Variants in PPARA observed in about 807,000 individuals in gnomAD.
PPARA encodes the protein peroxisome proliferator-activated receptor alpha.
In PPARA, 22 loss-of-function variants were observed where a neutral mutation model predicts 42.2. The ratio of observed to expected loss-of-function variants is 0.52; its 90% CI spans 0.37 to 0.74. The LOEUF (loss-of-function observed/expected upper bound fraction) is 0.74, where lower values mean the gene tolerates loss of function less well. Among genes scored for constraint, PPARA ranks in the 30% least tolerant of loss-of-function variants. PPARA has a pLI of 0.00. For missense variants in PPARA, 465 were observed against 608.2 expected, an observed-to-expected ratio of 0.76 and a Z score of 2.48; for synonymous variants, 242 against 239.3, an observed-to-expected ratio of 1.01 and a Z score of -0.10.
chr22:46,174,319 T>C (rs1443265942), intron 2 of PPARA, among the ~76,000 whole-genome samples: 1 of 104,156 alleles, frequency 9.6e-6, no homozygotes, highest in Non-Finnish European at 2.0e-5. Flanking sequence ...TACCAGTGAA[T>C]ATGGGTAAAG....
In PPARA at chr22:46,223,814, G is replaced by C. The variant is rs1043767304; in HGVS notation, c.711+3800G>C. ...AAATACAAAAAATTAGCCGGGCATG[G>C]CAGTGTGCGCCTGTAGTCCCATCTA... On this transcript the variant is annotated intron_variant, in intron 7 of 8. Coordinates refer to ENST00000407236, the MANE Select transcript of PPARA (RefSeq NM_005036.6). Among the ~76,000 whole-genome samples the C allele has an allele frequency of 9.9e-5, 15 of 151,418 alleles. 2 individuals are homozygous for C. Among genetic ancestry groups the C allele is most frequent in the Admixed American group, 6.6e-4 (10 of 15,166 alleles).
At chr22:46,168,434 A>G (rs575916243) in intron 2 of PPARA, among the ~76,000 whole-genome samples, 19 of 151,462 alleles carry the variant, frequency 1.3e-4, no homozygotes, top group African/African-American at 3.9e-4. Flanking sequence ...CCTCAAAATT[A>G]GAAACTTTTA....
intron 7 of PPARA, among the ~76,000 whole-genome samples, chr22:46,226,827 C>T (rs1195956236): frequency 6.6e-6 from 1 of 151,920 alleles, no homozygotes; most frequent in Non-Finnish European, 1.5e-5. Context: ...CGCCACTGTA[C>T]TCCAGCCTGG....
Position 46,219,976 on chromosome 22 carries a change from G to C in PPARA, c.673G>C (p.Ala225Pro). 1 of 1,614,188 alleles carries C rather than the reference G, an allele frequency of 6.2e-7. No homozygotes were observed. Among genetic ancestry groups the C allele is most frequent in the Non-Finnish European group, 8.5e-7 (1 of 1,180,044 alleles). The change falls in exon 7 of 9, where the codon GCC becomes CCC. Residue 225 changes from alanine to proline, a missense_variant. This residue lies in a region of PPARA where 313 missense variants were observed against 469.1 expected (regional missense o/e 0.67). Coordinates refer to ENST00000407236, the MANE Select transcript of PPARA (RefSeq NM_005036.6). The surrounding 1 kb of genome is among the most constrained non-coding windows in gnomAD (Gnocchi z 4.8). ...LKNFNMNKVK[A>P]RVILSGKASN... is the part of the protein sequence containing the mutation. ...GAACTTCAACATGAACAAGGTCAAA[G>C]CCCGGGTCATCCTCTCAGGAAAGGC...
In PPARA at chr22:46,238,430, G is replaced by A. The variant is rs1936277898; in HGVS notation, c.*3050G>A. On this transcript the variant is annotated 3_prime_UTR_variant, in exon 9 of 9. Coordinates refer to ENST00000407236, the MANE Select transcript of PPARA (RefSeq NM_005036.6). The surrounding 1 kb of genome is among the most constrained non-coding windows in gnomAD (Gnocchi z 8.3). ...AGACATCAGCCAAAAGAACAAAAGA[G>A]ATGTCAGGACAGATTCCAGGAGTGT... 1 of 152,252 alleles carries A rather than the reference G, an allele frequency of 6.6e-6. No homozygotes were observed. Among genetic ancestry groups the A allele is most frequent in the South Asian group, 2.1e-4 (1 of 4,836 alleles). 9.4% of individuals were successfully genotyped at this position (152,252 alleles called of 1,614,324 possible). A position where few individuals can be genotyped will look rare whatever the true frequency, so the allele number is the denominator to read the frequency against.
At position 46,162,204 on chromosome 22, in the gene PPARA, T is replaced by C. The variant is rs573363055; in HGVS notation, c.-127+10234T>C. ...GGGTGCATGCTAGGGTTTCTCTGGA[T>C]TGCTGCACCTGGCAGGTAGTGTGAG... On this transcript the variant is annotated intron_variant, in intron 2 of 8. Transcript: ENST00000407236. This position sits in a 1 kb window ranked among gnomAD's most constrained non-coding sequence, Gnocchi z 6.0. 2.0e-5 allele frequency among the ~76,000 whole-genome samples: 3 copies of C among 152,304 alleles called. No individual in the cohort carries two copies. Among genetic ancestry groups the C allele is most frequent in the Admixed American group, 2.0e-4 (3 of 15,302 alleles).
chr22:46,181,655 GAGGGT>G (rs1929992429), intron 3 of PPARA, among the ~76,000 whole-genome samples: 1 of 152,148 alleles, frequency 6.6e-6, no homozygotes, highest in Admixed American at 6.5e-5. Context: ...GTGGCCAGCC[GAGGGT>G]ACAATAAATA....
intron 3 of PPARA, among the ~76,000 whole-genome samples, chr22:46,181,925 C>T (rs1930027736): frequency 6.6e-6 from 1 of 152,240 alleles, no homozygotes; most frequent in Non-Finnish European, 1.5e-5. Flanking sequence ...ACCTGTTCTA[C>T]TTCACTGGGA....
In PPARA at chr22:46,222,170, C is replaced by G. The variant is rs1200097555; in HGVS notation, c.711+2156C>G. 6.6e-6 allele frequency among the ~76,000 whole-genome samples: 1 copy of G among 152,068 alleles called. No individual in the cohort carries two copies. The highest frequency in any genetic ancestry group is 1.5e-5 in the Non-Finnish European group (1 of 68,018). ...ACCTTTTCAGAGGCAGCCAAATTGCCCCTCATGGTTCGTCCCCCACATCCC... is the reference window on the plus strand; with the variant it reads ...ACCTTTTCAGAGGCAGCCAAATTGCGCCTCATGGTTCGTCCCCCACATCCC... On this transcript the variant is annotated intron_variant, in intron 7 of 8. Transcript: ENST00000407236. This position sits in a 1 kb window ranked among gnomAD's most constrained non-coding sequence, Gnocchi z 5.9.
Position 46,161,292 on chromosome 22 carries a change from G to A in PPARA, c.-127+9322G>A, listed in dbSNP as rs1298208109. ...GATGTGTGCCCAATTATGGTATCAG[G>A]TCTGTTGTAGACTCTTCAAGGAGGA... is the stretch of plus-strand genomic sequence containing the variant. On this transcript the variant is annotated intron_variant, in intron 2 of 8. Coordinates refer to ENST00000407236, the MANE Select transcript of PPARA (RefSeq NM_005036.6). The surrounding 1 kb of genome is among the most constrained non-coding windows in gnomAD (Gnocchi z 4.8). Among the ~76,000 whole-genome samples the A allele has an allele frequency of 1.3e-5, 2 of 152,202 alleles. No individual in the cohort carries two copies. The highest frequency in any genetic ancestry group is 2.4e-5 in the African/African-American group (1 of 41,450).
Position 46,212,776 on chromosome 22 carries a change from A to G in PPARA, c.209-2397A>G, listed in dbSNP as rs924766436. ...TTTGGGAGGCCAAGGCGGGCAGATC[A>G]CTTGAGGTCAGGAGTTTGAGACCAG... On this transcript the variant is annotated intron_variant, in intron 4 of 8. Transcript: ENST00000407236. The surrounding 1 kb of genome is among the most constrained non-coding windows in gnomAD (Gnocchi z 4.2). Among the ~76,000 whole-genome samples, 12 of 152,182 alleles carry G rather than the reference A, an allele frequency of 7.9e-5. No individual in the cohort carries two copies. The highest frequency in any genetic ancestry group is 1.5e-4 in the Non-Finnish European group (10 of 68,030).
chr22:46,224,462 T>G lies in PPARA; in HGVS notation c.711+4448T>G, dbSNP rs182691962. 1.3e-5 allele frequency among the ~76,000 whole-genome samples: 2 copies of G among 152,172 alleles called. No individual in the cohort carries two copies. The highest frequency in any genetic ancestry group is 3.4e-3 in the Middle Eastern group (1 of 294). ...ACCCCATCTGTGGGCAAGAAATCTG[T>G]TAGGGAGACCAAGCAGCGGCCTGGA... On this transcript the variant is annotated intron_variant, in intron 7 of 8. Transcript: ENST00000407236. This position sits in a 1 kb window ranked among gnomAD's most constrained non-coding sequence, Gnocchi z 5.7.
chr22:46,166,187 T>C (rs555726706), intron 2 of PPARA, among the ~76,000 whole-genome samples: 9 of 152,234 alleles, frequency 5.9e-5, no homozygotes, highest in African/African-American at 2.2e-4. Flanking sequence ...CACTGGCCAA[T>C]TGCGTCACTT....
chr22:46,227,019 C>T lies in PPARA; in HGVS notation c.712-4773C>T, dbSNP rs566446831. On this transcript the variant is annotated intron_variant, in intron 7 of 8. Coordinates refer to ENST00000407236, the MANE Select transcript of PPARA (RefSeq NM_005036.6). This position sits in a 1 kb window ranked among gnomAD's most constrained non-coding sequence, Gnocchi z 4.3. ...GGCATAAGGGTGACCTCCAGGGTGC[C>T]GTGTTATAACAGGACTGCTCCTTTC... 1.6e-4 allele frequency among the ~76,000 whole-genome samples: 24 copies of T among 152,002 alleles called. No homozygotes were observed. The highest frequency in any genetic ancestry group is 5.3e-4 in the African/African-American group (22 of 41,360).
In PPARA at chr22:46,230,568, T is replaced by A. The variant is rs1601821703; in HGVS notation, c.712-1224T>A. Among the ~76,000 whole-genome samples the A allele has an allele frequency of 6.6e-6, 1 of 152,180 alleles. No homozygotes were observed. Among genetic ancestry groups the A allele is most frequent in the East Asian group, 1.9e-4 (1 of 5,202 alleles). On this transcript the variant is annotated intron_variant, in intron 7 of 8. Coordinates refer to ENST00000407236, the MANE Select transcript of PPARA (RefSeq NM_005036.6). This position sits in a 1 kb window ranked among gnomAD's most constrained non-coding sequence, Gnocchi z 5.0. The stretch of plus-strand genomic sequence containing the variant: ...CCACACATGTAATCCCTTCTGAGCA[T>A]GTTGGCTTCAAATAATATGGCCAGC...
rs1601832456 is a variant in PPARA at position 46,234,606 on chromosome 22, G to A, written c.1160-527G>A. On this transcript the variant is annotated intron_variant, in intron 8 of 8. Coordinates refer to ENST00000407236, the MANE Select transcript of PPARA (RefSeq NM_005036.6). This position sits in a 1 kb window ranked among gnomAD's most constrained non-coding sequence, Gnocchi z 5.8. ...CAATCTCCGTCTCCCAGGTTCAAGC[G>A]ATTCTCCCACCTCAGCCTCCCGAGT... 6.6e-6 allele frequency among the ~76,000 whole-genome samples: 1 copy of A among 152,144 alleles called. No homozygotes were observed. The highest frequency in any genetic ancestry group is 2.4e-5 in the African/African-American group (1 of 41,430).
At chr22:46,207,749 T>C (rs2147477663) in intron 4 of PPARA, among the ~76,000 whole-genome samples, 1 of 141,136 alleles carries the variant, frequency 7.1e-6, no homozygotes, top group Admixed American at 7.6e-5. Context: ...GCTAGTGCCA[T>C]CGTAGCTCAC....
rs1260583431 is a variant in PPARA at position 46,231,626 on chromosome 22, C to T, written c.712-166C>T. Among the ~76,000 whole-genome samples, 1 of 152,154 alleles carries T rather than the reference C, an allele frequency of 6.6e-6. No homozygotes were observed. The highest frequency in any genetic ancestry group is 1.5e-5 in the Non-Finnish European group (1 of 68,026). Reference sequence around the variant, plus strand: ...TTCTCTATTAATGTCTTATTTTCCCCAACCGATTTTGAAGTTGAGTAAGGA... The same window carrying T: ...TTCTCTATTAATGTCTTATTTTCCCTAACCGATTTTGAAGTTGAGTAAGGA... On this transcript the variant is annotated intron_variant, in intron 7 of 8. Transcript: ENST00000407236. This position sits in a 1 kb window ranked among gnomAD's most constrained non-coding sequence, Gnocchi z 7.7.
chr22:46,198,006 C>T (rs1264738735), intron 3 of PPARA, among the ~76,000 whole-genome samples: 1 of 151,370 alleles, frequency 6.6e-6, no homozygotes, highest in African/African-American at 2.4e-5. Flanking sequence ...CTGAGGCGAG[C>T]GGAATACGAG....
Sources: gnomAD v4.1 joint callset for allele counts (sites outside exome capture counted in the v4.1 genomes callset) on GRCh38, gnomAD v4.1.1 for gene constraint, gnomAD v4.1.1 regional missense constraint, Gnocchi (gnomAD v3.1) non-coding constraint, MANE v1.5 for transcripts, NCBI Gene and HGNC (gene_info 2026-07-23, HGNC 2026-07-21) for gene names.